The following ITGA8 variants were observed in gnomAD, a reference collection of about 807,000 sequenced individuals.
The protein encoded by ITGA8 is integrin subunit alpha 8.
Under a neutral mutation model 142.3 loss-of-function variants are expected in ITGA8, and 91 were observed. The observed-to-expected ratio is 0.64, with a 90% CI of 0.54 to 0.76. ITGA8 has a LOEUF of 0.76. ITGA8 is among the 30% of genes least tolerant of loss of function. The pLI is 0.00. For missense variants in ITGA8, 1,406 were observed against 1,327.7 expected, an observed-to-expected ratio of 1.06 and a Z score of -0.92; for synonymous variants, 505 against 485.2, an observed-to-expected ratio of 1.04 and a Z score of -0.54.
At chr10:15,698,047 A>T (rs755755220) in intron 2 of ITGA8, among the ~76,000 whole-genome samples, 3 of 152,138 alleles carry the variant, frequency 2.0e-5, no homozygotes, top group Non-Finnish European at 4.4e-5. Context: ...GTAGTCTTTT[A>T]TCCCTCACCC....
intron 13 of ITGA8, among the ~76,000 whole-genome samples, chr10:15,623,701 A>G (rs192070674): frequency 6.6e-6 from 1 of 152,334 alleles, no homozygotes; most frequent in East Asian, 1.9e-4. Flanking sequence ...ATAAATAGAT[A>G]TAAAAATAAA....
intron 27 of ITGA8, among the ~76,000 whole-genome samples, chr10:15,542,386 T>C (rs1258371843): frequency 6.6e-6 from 1 of 152,186 alleles, no homozygotes; most frequent in Non-Finnish European, 1.5e-5. Context: ...TTTTAAACTT[T>C]AGTCAAATTG....
intron 25 of ITGA8, among the ~76,000 whole-genome samples, chr10:15,567,154 C>CAA (rs111545300): frequency 0.07 from 9,701 of 138,106 alleles, 1,071 homozygotes; most frequent in African/African-American, 0.24. Context: ...GACCCCATCT[C>CAA]AAAAAAAAAA....
chr10:15,548,015 T>G (rs1396747237), intron 27 of ITGA8, among the ~76,000 whole-genome samples: 2 of 152,210 alleles, frequency 1.3e-5, no homozygotes, highest in Non-Finnish European at 2.9e-5. Flanking sequence ...ACATACATTT[T>G]ATTTGAAGTA....
At chr10:15,644,304 G>A (rs1833927044) in intron 12 of ITGA8, 83 bp from the exon 13 acceptor site, 5 of 1,314,170 alleles carry the variant, frequency 3.8e-6, no homozygotes, top group Non-Finnish European at 5.2e-6. Context: ...ACCTTACTCT[G>A]TCACCCAAGC....
intron 2 of ITGA8, among the ~76,000 whole-genome samples, chr10:15,700,396 A>G (rs1835140532): frequency 6.6e-6 from 1 of 152,028 alleles, no homozygotes; most frequent in Admixed American, 6.5e-5. Flanking sequence ...CACACCCAGC[A>G]TTTTCAGTCT....
chr10:15,660,782 AT>A, intron 9 of ITGA8, 96 bp downstream of exon 9: 1 of 991,066 alleles, frequency 1.0e-6, no homozygotes. Flanking sequence ...AACTGACAGT[AT>A]TTTCAATTTA....
intron 24 of ITGA8, among the ~76,000 whole-genome samples, chr10:15,574,924 A>G (rs1359795337): frequency 1.3e-5 from 2 of 152,128 alleles, no homozygotes; most frequent in Admixed American, 1.3e-4. Flanking sequence ...GAAATAATTA[A>G]AAACAACAAT....
chr10:15,557,740 T>C (rs1311030154), intron 26 of ITGA8, among the ~76,000 whole-genome samples: 1 of 152,172 alleles, frequency 6.6e-6, no homozygotes, highest in Admixed American at 6.5e-5. Context: ...CATGCTCACT[T>C]CAAACTACCA....
intron 26 of ITGA8, among the ~76,000 whole-genome samples, chr10:15,551,575 G>A (rs1191118640): frequency 6.6e-6 from 1 of 151,942 alleles, no homozygotes; most frequent in African/African-American, 2.4e-5. Context: ...CTATGAGAAA[G>A]GGAAGGGTAT....
intron 27 of ITGA8, among the ~76,000 whole-genome samples, chr10:15,547,488 C>T (rs1833699714): frequency 6.6e-6 from 1 of 152,194 alleles, no homozygotes; most frequent in Non-Finnish European, 1.5e-5. Flanking sequence ...AGGAGAATTG[C>T]TTGAACCCAG....
At chr10:15,705,841 C>A (rs1835247963) in intron 2 of ITGA8, among the ~76,000 whole-genome samples, 1 of 152,184 alleles carries the variant, frequency 6.6e-6, no homozygotes, top group Non-Finnish European at 1.5e-5. Context: ...TTTTACCTAA[C>A]TGGTGGCTCC....
chr10:15,572,677 T>C (rs1165361031), intron 24 of ITGA8, among the ~76,000 whole-genome samples: 1 of 152,226 alleles, frequency 6.6e-6, no homozygotes, highest in African/African-American at 2.4e-5. Context: ...AATTTAATCA[T>C]AGCGCTAGAA....
At position 15,606,439 on chromosome 10, in the gene ITGA8, C is replaced by T; in HGVS notation, c.1765-17G>A. ...AGTTTCATCCTAGGAAAAATAATCACAAACTCAACAGAGGCTCCATGAAAT... is the reference window on the plus strand; with the variant it reads ...AGTTTCATCCTAGGAAAAATAATCATAAACTCAACAGAGGCTCCATGAAAT... On this transcript the variant is annotated splice_polypyrimidine_tract_variant and intron_variant, in intron 17 of 29. Transcript: ENST00000378076. 1.3e-6 allele frequency: 2 copies of T among 1,582,610 alleles called. No individual in the cohort carries two copies. The highest frequency in any genetic ancestry group is 1.7e-6 in the Non-Finnish European group (2 of 1,155,518).
rs753716791 is a variant in ITGA8, at chr10:15,597,313, G to C, written c.2119-14C>G. 6.9e-6 allele frequency: 11 copies of C among 1,604,480 alleles called. No individual in the cohort carries two copies. The highest frequency in any genetic ancestry group is 9.4e-6 in the Non-Finnish European group (11 of 1,171,328). On this transcript the variant is annotated splice_polypyrimidine_tract_variant and intron_variant, in intron 20 of 29. Coordinates refer to ENST00000378076, the MANE Select transcript of ITGA8 (RefSeq NM_003638.3). ...TGGTCGAAATCCCTACAATTGCAAA[G>C]AACAGGGGGTTTAGGGGGCAGGATA...
At chr10:15,666,512 C>A (rs1834395354) in intron 8 of ITGA8, among the ~76,000 whole-genome samples, 1 of 152,110 alleles carries the variant, frequency 6.6e-6, no homozygotes, top group African/African-American at 2.4e-5. Flanking sequence ...CTCTTTATTT[C>A]CTTCTCCTGC....
chr10:15,641,622 C>T (rs1833873448), intron 13 of ITGA8, among the ~76,000 whole-genome samples: 1 of 152,180 alleles, frequency 6.6e-6, no homozygotes, highest in East Asian at 1.9e-4. Context: ...TACCAAGATG[C>T]ATGGATGAAC....
intron 2 of ITGA8, among the ~76,000 whole-genome samples, chr10:15,699,100 A>T (rs991854524): frequency 6.6e-6 from 1 of 152,222 alleles, no homozygotes; most frequent in Non-Finnish European, 1.5e-5. Context: ...CATGGCCAAC[A>T]TGGTGAAACC....
Position 15,644,133 on chromosome 10 carries a change from C to T in ITGA8, c.1296G>A (p.Lys432=). ...ACACTCCTTGCAGAACTTGGGAAGG[C>T]TTGGTGTTTAAGCCATCTTTGTTCC... ...YNGNKDGLNT[K]PSQVLQGVWA... The change falls in exon 13 of 30, where the codon AAG becomes AAA. Residue 432 remains lysine, a synonymous_variant. Coordinates refer to ENST00000378076, the MANE Select transcript of ITGA8 (RefSeq NM_003638.3). 1 of 1,614,178 alleles carries T rather than the reference C, an allele frequency of 6.2e-7. No homozygotes were observed. The highest frequency in any genetic ancestry group is 1.1e-5 in the South Asian group (1 of 91,070).
Sources: allele counts gnomAD v4.1 joint callset (sites outside exome capture counted in the v4.1 genomes callset), GRCh38; gene constraint gnomAD v4.1.1; transcripts MANE v1.5; gene names NCBI Gene and HGNC (gene_info 2026-07-23, HGNC 2026-07-21).